ATL3: variants seen among roughly 807,000 people sequenced by gnomAD.
ATL3 encodes the protein atlastin GTPase 3.
In ATL3, 49 loss-of-function variants were observed where a neutral mutation model predicts 69.5. That is an observed-to-expected ratio of 0.71 (90% CI 0.56 to 0.89). The LOEUF (loss-of-function observed/expected upper bound fraction) is 0.89, where lower values mean the gene tolerates loss of function less well. Ranked by LOEUF, ATL3 falls within the 40% of genes least tolerant of loss-of-function variation. ATL3 has a pLI of 0.00. For synonymous variants in ATL3, 214 were observed against 224.1 expected (o/e 0.95, Z 0.40); for missense variants, 606 against 645.7 (o/e 0.94, Z 0.67).
At chr11:63,664,621 T>G (rs1286777617) in intron 1 of ATL3, among the ~76,000 whole-genome samples, 1 of 151,446 alleles carries the variant, frequency 6.6e-6, no homozygotes, top group East Asian at 2.0e-4. Context: ...TAAGCTATTG[T>G]TTTTTTGTTT....
At position 63,652,660 on chromosome 11, in the gene ATL3, T is replaced by C. The variant is rs894719369; in HGVS notation, c.406-85A>G. On this transcript the variant is annotated intron_variant, in intron 3 of 12. Transcript: ENST00000398868. Reference sequence around the variant, plus strand: ...GAGAAATTGAAAAGTACAGGTAATATATACTTAAGTACAGGTAATGTTTAT... The same window carrying C: ...GAGAAATTGAAAAGTACAGGTAATACATACTTAAGTACAGGTAATGTTTAT... 92 of 896,228 alleles carry C rather than the reference T, an allele frequency of 1.0e-4. 1 individual carries two copies. The South Asian group carries it at 1.5e-3, about 14-fold the overall frequency. 55.5% of individuals were successfully genotyped at this position (896,228 alleles called of 1,614,324 possible).
chr11:63,661,060 GA>G lies in ATL3; in HGVS notation c.47-1809del, dbSNP rs1345946244. 1.4e-3 allele frequency among the ~76,000 whole-genome samples: 194 copies of G among 138,456 alleles called. 1 individual carries two copies. The highest frequency in any genetic ancestry group is 9.2e-3 in the South Asian group (40 of 4,348). The allele number at this position is 138,456 out of a possible 152,430, so 90.8% of individuals were successfully genotyped here. On this transcript the variant is annotated intron_variant, in intron 1 of 12. Transcript: ENST00000398868. ...AAAGCCCCGTCTCTATAAAAATACAGAAAAAAAAAAAAATTAGCCATGCGTG... is the reference window on the plus strand; with the variant it reads ...AAAGCCCCGTCTCTATAAAAATACAGAAAAAAAAAAAATTAGCCATGCGTG...
At chr11:63,630,895 A>G (rs1565267313) in intron 12 of ATL3, 145 bp downstream of exon 12, 1 of 661,688 alleles carries the variant, frequency 1.5e-6, no homozygotes, top group Non-Finnish European at 2.5e-6. Flanking sequence ...AATAAAACAT[A>G]CAGTCTATCA....
At chr11:63,664,366 C>T (rs526220) in intron 1 of ATL3, among the ~76,000 whole-genome samples, 17,813 of 151,822 alleles carry the variant, frequency 0.12, 1,163 homozygotes, top group Middle Eastern at 0.17. Context: ...TGGTGAAACC[C>T]CATCTCTACC....
rs1939169026 is a variant in ATL3 at position 63,627,838 on chromosome 11, A to G, written c.*1481T>C. ...CTTTGATCCTTGCTAAGGCAAAGCT[A>G]TCTTAAAGCTACCAGACTAGCCAAA... On this transcript the variant is annotated 3_prime_UTR_variant, in exon 13 of 13. Coordinates refer to ENST00000398868, the MANE Select transcript of ATL3 (RefSeq NM_015459.5). 3 of 152,230 alleles carry G rather than the reference A, an allele frequency of 2.0e-5. No homozygotes were observed. Among genetic ancestry groups the G allele is most frequent in the Middle Eastern group, 3.2e-3 (1 of 316 alleles). The allele number at this position is 152,230 out of a possible 1,614,324, so 9.4% of individuals were successfully genotyped here.
chr11:63,641,973 CCACTGGA>C (rs1300374046), intron 8 of ATL3, among the ~76,000 whole-genome samples: 2 of 152,138 alleles, frequency 1.3e-5, no homozygotes, highest in African/African-American at 4.8e-5. Flanking sequence ...TTTAAGAATT[CCACTGGA>C]CACATTCCCT....
At chr11:63,632,421 C>T in intron 11 of ATL3, 1 of 836,256 alleles carries the variant, frequency 1.2e-6, no homozygotes, top group East Asian at 2.4e-5. Context: ...AAAGAGGTGA[C>T]ATTGTGATTG....
At chr11:63,648,587 T>G (rs542734265) in intron 5 of ATL3, among the ~76,000 whole-genome samples, 36 of 152,250 alleles carry the variant, frequency 2.4e-4, no homozygotes, top group African/African-American at 8.7e-4. Flanking sequence ...GGCAGGGAGA[T>G]CACTTGAGGT....
chr11:63,669,708 G>A (rs906185154), intron 1 of ATL3, among the ~76,000 whole-genome samples: 1 of 150,458 alleles, frequency 6.6e-6, no homozygotes, highest in African/African-American at 2.5e-5. Flanking sequence ...TTGGGAGGCC[G>A]AGGAGAGGAG....
intron 8 of ATL3, among the ~76,000 whole-genome samples, chr11:63,642,693 T>C (rs940197469): frequency 6.6e-6 from 1 of 152,322 alleles, no homozygotes; most frequent in East Asian, 1.9e-4. Flanking sequence ...GGAAATGACA[T>C]CAAAGTCATT....
chr11:63,659,562 A>G (rs1940360833), intron 1 of ATL3, among the ~76,000 whole-genome samples: 2 of 151,580 alleles, frequency 1.3e-5, no homozygotes, highest in African/African-American at 4.9e-5. Flanking sequence ...GTTTGAGGTT[A>G]CAGTGAGCTA....
intron 9 of ATL3, 36 bp from the exon 10 acceptor site, chr11:63,635,626 T>A (rs1378578223): frequency 6.9e-7 from 1 of 1,446,236 alleles, no homozygotes; most frequent in Non-Finnish European, 9.6e-7. Flanking sequence ...TATAAAATGT[T>A]ATTCAGTCAT....
At chr11:63,630,931 A>G (rs1939292148) in intron 12 of ATL3, 109 bp downstream of exon 12, 1 of 1,050,796 alleles carries the variant, frequency 9.5e-7, no homozygotes, top group South Asian at 1.7e-5. Context: ...CGGAGTGGCC[A>G]CTGTCTCATG....
chr11:63,667,532 CG>C (rs1203216307), intron 1 of ATL3, among the ~76,000 whole-genome samples: 1 of 151,944 alleles, frequency 6.6e-6, no homozygotes, highest in African/African-American at 2.4e-5. Context: ...GAGGCCAAGG[CG>C]GATGGATCAT....
chr11:63,671,565 G>A, upstream of ATL3: 1 of 1,423,584 alleles, frequency 7.0e-7, no homozygotes, highest in Admixed American at 2.7e-5. Flanking sequence ...AGGCGAGGCG[G>A]GGCGGGAAAG....
intron 11 of ATL3, chr11:63,632,820 T>TCAAAACAAAA (rs372664895): frequency 2.2e-5 from 16 of 732,742 alleles, no homozygotes; most frequent in South Asian, 1.5e-4. Flanking sequence ...TATTTGCTAT[T>TCAAAACAAAA]CAAAACAAAA....
chr11:63,654,676 G>A (rs1940185408), intron 3 of ATL3, among the ~76,000 whole-genome samples: 1 of 150,658 alleles, frequency 6.6e-6, no homozygotes, highest in Admixed American at 6.7e-5. Context: ...GGGATTACAG[G>A]CCTAAGCCAC....
chr11:63,629,499 C>T, intron 12 of ATL3, 94 bp from the exon 13 acceptor site: 1 of 1,052,144 alleles, frequency 9.5e-7, no homozygotes, highest in East Asian at 2.5e-5. Flanking sequence ...CTGTCTCCAT[C>T]ATCGGCATGT....
chr11:63,640,375 C>T (rs190685088), intron 8 of ATL3, among the ~76,000 whole-genome samples: 7 of 151,890 alleles, frequency 4.6e-5, no homozygotes, highest in South Asian at 2.1e-4. Flanking sequence ...GTAGCCTTGA[C>T]GTCTGGGGCT....
Sources: allele counts gnomAD v4.1 joint callset (sites outside exome capture counted in the v4.1 genomes callset), GRCh38; gene constraint gnomAD v4.1.1; transcripts MANE v1.5; gene names NCBI Gene and HGNC (gene_info 2026-07-23, HGNC 2026-07-21).